Variants in NKAIN2 observed in about 807,000 individuals in gnomAD.
NKAIN2 encodes the protein sodium/potassium-transporting ATPase subunit beta-1-interacting protein 2.
In NKAIN2, 14 loss-of-function variants were observed where a neutral mutation model predicts 32.6. That is an observed-to-expected ratio of 0.43 (90% confidence interval 0.28 to 0.67). The LOEUF is 0.67. Ranked by LOEUF, NKAIN2 falls within the 30% of genes least tolerant of loss-of-function variation. The pLI is 0.17. For synonymous variants in NKAIN2, 80 were observed against 87.2 expected, an observed-to-expected ratio of 0.92 and a Z score of 0.46; for missense variants, 198 against 258.3, an observed-to-expected ratio of 0.77 and a Z score of 1.60.
chr6:124,069,445 T>C (rs1455701256), intron 1 of NKAIN2, among the ~76,000 whole-genome samples: 2 of 152,100 alleles, frequency 1.3e-5, no homozygotes, highest in Non-Finnish European at 2.9e-5. Flanking sequence ...GTCATTACTC[T>C]AATCAAGAGT....
At chr6:124,669,052 G>T (rs1772963747) in intron 4 of NKAIN2, among the ~76,000 whole-genome samples, 3 of 152,074 alleles carry the variant, frequency 2.0e-5, no homozygotes, top group Admixed American at 2.0e-4. Context: ...CAGTAGTATG[G>T]ATTTTTCTTC....
intron 3 of NKAIN2, among the ~76,000 whole-genome samples, chr6:124,414,034 A>C (rs1458289774): frequency 6.6e-6 from 1 of 150,828 alleles, no homozygotes. Flanking sequence ...TTTTTTTTTA[A>C]TTACATTGCA....
At chr6:123,999,906 T>G (rs1295374399) in intron 1 of NKAIN2, among the ~76,000 whole-genome samples, 1 of 152,092 alleles carries the variant, frequency 6.6e-6, no homozygotes, top group Non-Finnish European at 1.5e-5. Context: ...AGTTTTGGTA[T>G]GTACAAATAG....
At chr6:124,696,463 C>G (rs149046144) in intron 4 of NKAIN2, among the ~76,000 whole-genome samples, 1 of 152,114 alleles carries the variant, frequency 6.6e-6, no homozygotes, top group Non-Finnish European at 1.5e-5. Context: ...CGCAAGCCAC[C>G]TCCCATGCCC....
At position 124,189,133 on chromosome 6, in the gene NKAIN2, G is replaced by GA. The variant is rs200562577; in HGVS notation, c.55-93864dup. Among the ~76,000 whole-genome samples the GA allele has an allele frequency of 8.7e-3, 1,321 of 151,328 alleles. 9 individuals carry two copies. Among genetic ancestry groups the GA allele is most frequent in the Non-Finnish European group, 0.012 (806 of 67,808 alleles). ...TTTGCATTAAGGTGCTCACATGAAG[G>GA]AAAAAAAACGTATTTCTTGCTATCA... On this transcript the variant is annotated intron_variant, in intron 1 of 6. Transcript: ENST00000368417.
chr6:124,802,326 G>A (rs902264438), intron 5 of NKAIN2, among the ~76,000 whole-genome samples: 2 of 152,020 alleles, frequency 1.3e-5, no homozygotes, highest in African/African-American at 4.8e-5. Flanking sequence ...CATGTCTAAC[G>A]AGCTCACCTA....
chr6:124,069,566 G>T (rs1388247164), intron 1 of NKAIN2, among the ~76,000 whole-genome samples: 1 of 152,134 alleles, frequency 6.6e-6, no homozygotes, highest in Non-Finnish European at 1.5e-5. Flanking sequence ...GGGGAAGACA[G>T]GCTGGAGCAC....
chr6:124,805,168 A>C (rs1306114749), intron 5 of NKAIN2, among the ~76,000 whole-genome samples: 1 of 152,206 alleles, frequency 6.6e-6, no homozygotes, highest in Non-Finnish European at 1.5e-5. Context: ...TGGAGATCTG[A>C]GAATGGGCAG....
chr6:123,914,097 G>T (rs578092582), intron 1 of NKAIN2, among the ~76,000 whole-genome samples: 1 of 152,196 alleles, frequency 6.6e-6, no homozygotes, highest in Admixed American at 6.6e-5. Context: ...CAAGGTTCTG[G>T]AGGCTGGAAG....
intron 1 of NKAIN2, among the ~76,000 whole-genome samples, chr6:123,862,081 A>G (rs965082248): frequency 1.3e-5 from 2 of 152,222 alleles, no homozygotes; most frequent in East Asian, 1.9e-4. Context: ...TTTTCAATCT[A>G]GATTCCAGCT....
intron 3 of NKAIN2, among the ~76,000 whole-genome samples, chr6:124,399,219 G>A (rs1251912679): frequency 6.6e-6 from 1 of 152,124 alleles, no homozygotes; most frequent in East Asian, 1.9e-4. Flanking sequence ...GAGCCACCAG[G>A]CTTGGCCTTT....
chr6:124,658,135 T>C, intron 3 of NKAIN2, 51 bp from the exon 4 acceptor site: 1 of 1,403,702 alleles, frequency 7.1e-7, no homozygotes, highest in East Asian at 2.3e-5. Context: ...CCAAGTAAGC[T>C]GACTAACATT....
chr6:124,768,529 G>T (rs76925105), intron 4 of NKAIN2, among the ~76,000 whole-genome samples: 1 of 151,960 alleles, frequency 6.6e-6, no homozygotes, highest in African/African-American at 2.4e-5. Flanking sequence ...GAAAAATAAC[G>T]AATCACACCA....
intron 3 of NKAIN2, among the ~76,000 whole-genome samples, chr6:124,461,537 G>T (rs62437477): frequency 6.6e-6 from 1 of 151,212 alleles, no homozygotes; most frequent in African/African-American, 2.4e-5. Context: ...TTGCCTCTCC[G>T]TTCAATATAT....
intron 1 of NKAIN2, among the ~76,000 whole-genome samples, chr6:123,818,385 A>ACG (rs1773788890): frequency 6.6e-6 from 1 of 151,808 alleles, no homozygotes; most frequent in African/African-American, 2.4e-5. Flanking sequence ...ACACACACAC[A>ACG]CACACACACA....
At chr6:124,514,054 A>G (rs980528481) in intron 3 of NKAIN2, among the ~76,000 whole-genome samples, 3 of 152,202 alleles carry the variant, frequency 2.0e-5, no homozygotes, top group African/African-American at 4.8e-5. Context: ...CATGAACCAA[A>G]TATTATCAAA....
intron 1 of NKAIN2, among the ~76,000 whole-genome samples, chr6:124,270,091 C>G (rs1445834012): frequency 2.0e-5 from 3 of 152,266 alleles, no homozygotes; most frequent in East Asian, 1.9e-4. Flanking sequence ...CACCAGCATG[C>G]AGGTCACTGT....
intron 1 of NKAIN2, among the ~76,000 whole-genome samples, chr6:124,090,446 T>C (rs867752528): frequency 1.6e-4 from 24 of 152,002 alleles, no homozygotes; most frequent in Admixed American, 4.6e-4. Context: ...TAGGAACTTA[T>C]AACACCTCTT....
chr6:123,961,861 A>G (rs1169678789), intron 1 of NKAIN2, among the ~76,000 whole-genome samples: 1 of 152,206 alleles, frequency 6.6e-6, no homozygotes, highest in Non-Finnish European at 1.5e-5. Flanking sequence ...ATCAGAGATT[A>G]AATTATAACA....
Sources: gnomAD v4.1 joint callset for allele counts (sites outside exome capture counted in the v4.1 genomes callset) on GRCh38, gnomAD v4.1.1 for gene constraint, MANE v1.5 for transcripts, NCBI Gene and HGNC (gene_info 2026-07-23, HGNC 2026-07-21) for gene names.